The following OXTR variants were observed in gnomAD, a reference collection of about 807,000 sequenced individuals.
OXTR encodes oxytocin receptor.
Under a neutral mutation model 23.9 loss-of-function variants are expected in OXTR, and 19 were observed. The ratio of observed to expected loss-of-function variants is 0.80; its 90% confidence interval spans 0.56 to 1.17. The LOEUF is 1.17. Among genes scored for constraint, OXTR ranks in the 50% most tolerant of loss-of-function variants. The pLI is 0.00. For missense variants in OXTR, 500 were observed against 550.7 expected (o/e 0.91, Z 0.92); for synonymous variants, 278 against 250.5 (o/e 1.11, Z -1.04).
chr3:8,761,614 C>T (rs777652874), intron 3 of OXTR, among the ~76,000 whole-genome samples: 16 of 152,182 alleles, frequency 1.1e-4, no homozygotes, highest in Non-Finnish European at 1.8e-4. Flanking sequence ...TCACACCTCT[C>T]TAAGCCTCAG....
rs1225879191 is a variant in OXTR, at chr3:8,752,524, C to G, written c.*453G>C. 6.2e-6 allele frequency: 1 copy of G among 160,548 alleles called. No homozygotes were observed. Among genetic ancestry groups the G allele is most frequent in the South Asian group, 1.8e-4 (1 of 5,518 alleles). 9.9% of individuals were successfully genotyped at this position (160,548 alleles called of 1,614,324 possible). On this transcript the variant is annotated 3_prime_UTR_variant, in exon 4 of 4. Coordinates refer to ENST00000316793, the MANE Select transcript of OXTR (RefSeq NM_000916.4). ...ATTTGTTCGCTTAAAGGCAAATACA[C>G]TTTGAGGTCAGGAGGATCTTAGCAC...
rs1337143219 is a variant in OXTR at position 8,767,918 on chromosome 3, C to T, written c.270G>A (p.Val90=). The T allele has an allele frequency of 6.2e-7, 1 of 1,613,516 alleles. No homozygotes were observed. Among genetic ancestry groups the T allele is most frequent in the Non-Finnish European group, 8.5e-7 (1 of 1,179,850 alleles). The change falls in exon 3 of 4, where the codon GTG becomes GTA. Residue 90 remains valine (V), a synonymous_variant. Coordinates refer to ENST00000316793, the MANE Select transcript of OXTR (RefSeq NM_000916.4). ...HLSIADLVVA[V]FQVLPQLLWD... ...ACAGCAACTGCGGCAGCACCTGAAA[C>T]ACTGCCACCACCAGGTCGGCGATGC...
chr3:8,752,744 G>T lies in OXTR; in HGVS notation c.*233C>A. The T allele has an allele frequency of 1.9e-6, 1 of 515,694 alleles. No homozygotes were observed. The highest frequency in any genetic ancestry group is 3.4e-6 in the Non-Finnish European group (1 of 292,756). The allele number at this position is 515,694 out of a possible 1,614,324, so 31.9% of individuals were successfully genotyped here. The stretch of plus-strand genomic sequence containing the variant: ...CCACTCACTGCCCAGGGCAGCAGTG[G>T]GTTCAGGGTGGTAGAAGTACGTGTA... On this transcript the variant is annotated 3_prime_UTR_variant, in exon 4 of 4. Coordinates refer to ENST00000316793, the MANE Select transcript of OXTR (RefSeq NM_000916.4).
the OXTR span, among the ~76,000 whole-genome samples, chr3:8,743,734 T>C: frequency 5.9e-5 from 9 of 152,202 alleles, no homozygotes; most frequent in South Asian, 1.9e-3. Flanking sequence ...GCTCAGAAGC[T>C]AAAGTCACAT....
the OXTR span, among the ~76,000 whole-genome samples, chr3:8,744,620 A>G: frequency 6.6e-6 from 1 of 152,062 alleles, no homozygotes; most frequent in Admixed American, 6.5e-5. Context: ...GACATCACCC[A>G]TGTGTAGGCA....
chr3:8,745,183 G>GCT, the OXTR span: 1 of 307,192 alleles, frequency 3.3e-6, no homozygotes, highest in Non-Finnish European at 6.3e-6. This position sits in a 1 kb window ranked among gnomAD's most constrained non-coding sequence, Gnocchi z 4.8. Context: ...CCCCTGCCCA[G>GCT]CTCTCTCTCT....
Position 8,752,990 on chromosome 3 carries a change from G to A in OXTR, c.1157C>T (p.Pro386Leu), listed in dbSNP as rs770954275. Residue 386 changes from proline (P) to leucine (L), a missense_variant, in exon 4 of 4, where the codon CCA becomes CTA. By Grantham distance (98) the Pro-to-Leu change is moderately conservative. Coordinates refer to ENST00000316793, the MANE Select transcript of OXTR (RefSeq NM_000916.4). The stretch of plus-strand genomic sequence containing the variant: ...CTGGCTGGTGGGTCACGCCGTGGAT[G>A]GCTGGGAGCAGCTCCTCTGGCTGGA... Reference protein sequence around the residue: ...RSSSQRSCSQPSTA With the variant: ...RSSSQRSCSQLSTA 6.2e-7 allele frequency: 1 copy of A among 1,612,038 alleles called. No individual in the cohort carries two copies. The highest frequency in any genetic ancestry group is 8.5e-7 in the Non-Finnish European group (1 of 1,178,496).
chr3:8,760,392 G>A (rs564358531), intron 3 of OXTR, among the ~76,000 whole-genome samples: 13 of 152,362 alleles, frequency 8.5e-5, no homozygotes, highest in African/African-American at 1.2e-4. Flanking sequence ...GCAGGAGGGC[G>A]AGGGCTTGGG....
Position 8,767,717 on chromosome 3 carries a change from C to A in OXTR, c.471G>T (p.Val157=). Residue 157 remains valine (V), a synonymous_variant, in exon 3 of 4, where the codon GTG becomes GTT. Coordinates refer to ENST00000316793, the MANE Select transcript of OXTR (RefSeq NM_000916.4). ...CCAGGCAGCCGAGCCACGTGGCGAG[C>A]ACTGCCAGGCGGTCGGTGCGGCGGC... is the stretch of plus-strand genomic sequence containing the variant. ...SLRRRTDRLA[V]LATWLGCLVA... is the part of the protein sequence containing the mutation. 2 of 1,609,038 alleles carry A rather than the reference C, an allele frequency of 1.2e-6. No individual in the cohort carries two copies. The highest frequency in any genetic ancestry group is 4.5e-5 in the East Asian group (2 of 44,738).
chr3:8,750,253 G>C (rs1483295341), downstream of OXTR, among the ~76,000 whole-genome samples: 3 of 152,118 alleles, frequency 2.0e-5, no homozygotes, highest in Non-Finnish European at 4.4e-5. Context: ...TTGCCAAATA[G>C]AGACATCATC....
chr3:8,745,781 T>C (rs1428912621), downstream of OXTR: 1 of 1,613,972 alleles, frequency 6.2e-7, no homozygotes, highest in African/African-American at 1.3e-5. This position sits in a 1 kb window ranked among gnomAD's most constrained non-coding sequence, Gnocchi z 4.8. Context: ...CTACTCACTC[T>C]GCATCCGCAC....
Position 8,752,665 on chromosome 3 carries a change from T to C in OXTR, c.*312A>G. The stretch of plus-strand genomic sequence containing the variant: ...TACCGCTTTTCACAATATCCCAGAA[T>C]GAAGAAGTAAAAATATACTGGAGTG... On this transcript the variant is annotated 3_prime_UTR_variant, in exon 4 of 4. Transcript: ENST00000316793. The C allele has an allele frequency of 3.3e-6, 1 of 307,540 alleles. No individual in the cohort carries two copies. Among genetic ancestry groups the C allele is most frequent in the East Asian group, 6.4e-5 (1 of 15,618 alleles). 19.1% of individuals were successfully genotyped at this position (307,540 alleles called of 1,614,324 possible). A position where few individuals can be genotyped will look rare whatever the true frequency, so the allele number is the denominator to read the frequency against.
rs1229510727 is a variant in OXTR at position 8,753,008 on chromosome 3, T to C, written c.1139A>G (p.Gln380Arg). 1.2e-6 allele frequency: 2 copies of C among 1,613,762 alleles called. No individual in the cohort carries two copies. Among genetic ancestry groups the C allele is most frequent in the Non-Finnish European group, 1.7e-6 (2 of 1,179,746 alleles). ...SFVLSHRSSS[Q>R]RSCSQPSTA is the part of the protein sequence containing the mutation. Reference sequence around the variant, plus strand: ...CGTGGATGGCTGGGAGCAGCTCCTCTGGCTGGAGCTGCGATGGCTCAGGAC... The same window carrying C: ...CGTGGATGGCTGGGAGCAGCTCCTCCGGCTGGAGCTGCGATGGCTCAGGAC... Residue 380 changes from glutamine (Q) to arginine (R), a missense_variant, in exon 4 of 4, where the codon CAG (glutamine) becomes CGG (arginine). Coordinates refer to ENST00000316793, the MANE Select transcript of OXTR (RefSeq NM_000916.4).
At chr3:8,760,349 C>T (rs945337785) in intron 3 of OXTR, among the ~76,000 whole-genome samples, 4 of 152,242 alleles carry the variant, frequency 2.6e-5, no homozygotes, top group South Asian at 4.1e-4. Flanking sequence ...CTTGACCACA[C>T]GGTCCCACAT....
In OXTR at chr3:8,768,282, C is replaced by T. The variant is rs2125008690; in HGVS notation, c.-95G>A. Reference sequence around the variant, plus strand: ...GCGTGTCGGAGGGTGTAGGGGCGCCCGGGGCTCCACTCCTGGAGACTCCAC... The same window carrying T: ...GCGTGTCGGAGGGTGTAGGGGCGCCTGGGGCTCCACTCCTGGAGACTCCAC... On this transcript the variant is annotated 5_prime_UTR_variant, in exon 3 of 4. Transcript: ENST00000316793. This position sits in a 1 kb window ranked among gnomAD's most constrained non-coding sequence, Gnocchi z 5.4. 1.6e-6 allele frequency: 2 copies of T among 1,228,848 alleles called. No homozygotes were observed. The highest frequency in any genetic ancestry group is 1.0e-6 in the Non-Finnish European group (1 of 988,350). 76.1% of individuals were successfully genotyped at this position (1,228,848 alleles called of 1,614,324 possible). A position where few individuals can be genotyped will look rare whatever the true frequency, so the allele number is the denominator to read the frequency against.
chr3:8,756,485 A>G (rs1708376600), intron 3 of OXTR, among the ~76,000 whole-genome samples: 1 of 152,176 alleles, frequency 6.6e-6, no homozygotes, highest in Admixed American at 6.5e-5. Flanking sequence ...CAATTAGTGA[A>G]TCCTGTCAGT....
At chr3:8,742,371 AAAAGAAG>A in the OXTR span, 1 of 352,466 alleles carries the variant, frequency 2.8e-6, no homozygotes, top group Non-Finnish European at 5.6e-6. Context: ...AAAAAAAAAA[AAAAGAAG>A]AAGAAGAAGA....
rs765288088 is a variant in OXTR at position 8,768,001 on chromosome 3, C to T, written c.187G>A (p.Ala63Thr). Residue 63 changes from alanine (A) to threonine (T), a missense_variant, in exon 3 of 4, where the codon GCG (alanine) becomes ACG (threonine). Ala to Thr is a moderately conservative substitution (Grantham distance 58). Coordinates refer to ENST00000316793, the MANE Select transcript of OXTR (RefSeq NM_000916.4). The surrounding 1 kb of genome is among the most constrained non-coding windows in gnomAD (Gnocchi z 5.4). ...ALSGNACVLL[A>T]LRTTRQKHSR... Reference sequence around the variant, plus strand: ...TGCTTCTGGCGTGTGGTGCGCAGCGCCAGCAGCACACACGCGTTCCCGCTC... The same window carrying T: ...TGCTTCTGGCGTGTGGTGCGCAGCGTCAGCAGCACACACGCGTTCCCGCTC... 3 of 1,610,654 alleles carry T rather than the reference C, an allele frequency of 1.9e-6. No homozygotes were observed. The East Asian group carries it at 6.7e-5, about 36-fold the overall frequency.
At chr3:8,753,992 G>A (rs1708323665) in intron 3 of OXTR, among the ~76,000 whole-genome samples, 1 of 152,150 alleles carries the variant, frequency 6.6e-6, no homozygotes, top group Non-Finnish European at 1.5e-5. Context: ...CAGGCAGAAG[G>A]AATGGCCCCA....
Sources: allele counts gnomAD v4.1 joint callset (sites outside exome capture counted in the v4.1 genomes callset), GRCh38; gene constraint gnomAD v4.1.1; non-coding constraint Gnocchi (gnomAD v3.1); transcripts MANE v1.5; gene names NCBI Gene and HGNC (gene_info 2026-07-23, HGNC 2026-07-21).